Variants in RALGAPA2 observed in about 807,000 individuals in gnomAD.
RALGAPA2 encodes the protein Ral GTPase activating protein catalytic subunit alpha 2, also known as ral GTPase-activating protein subunit alpha-2.
Under a neutral mutation model 230.4 loss-of-function variants are expected in RALGAPA2, and 139 were observed. The ratio of observed to expected loss-of-function variants is 0.60; its 90% CI spans 0.53 to 0.69. The LOEUF is 0.69. Ranked by LOEUF, RALGAPA2 falls within the 30% of genes least tolerant of loss-of-function variation. RALGAPA2 has a pLI of 0.00. For synonymous variants in RALGAPA2, 847 were observed against 837.8 expected, an observed-to-expected ratio of 1.01 and a Z score of -0.19; for missense variants, 2,163 against 2,276.0, an observed-to-expected ratio of 0.95 and a Z score of 1.01.
At chr20:20,640,349 G>A (rs2066991380) in intron 6 of RALGAPA2, among the ~76,000 whole-genome samples, 1 of 152,160 alleles carries the variant, frequency 6.6e-6, no homozygotes, top group Non-Finnish European at 1.5e-5. Flanking sequence ...ACGAACAACA[G>A]TGATAAGAAC....
At chr20:20,468,195 C>A (rs2061461826) in intron 37 of RALGAPA2, among the ~76,000 whole-genome samples, 1 of 152,188 alleles carries the variant, frequency 6.6e-6, no homozygotes, top group Non-Finnish European at 1.5e-5. Context: ...GATTGTCTGC[C>A]AGCCAGGAAT....
At chr20:20,406,243 A>G (rs907645498) in intron 38 of RALGAPA2, among the ~76,000 whole-genome samples, 3 of 152,098 alleles carry the variant, frequency 2.0e-5, no homozygotes, top group African/African-American at 7.2e-5. Context: ...GGAGGGACTC[A>G]AGCATCGGTA....
At chr20:20,521,181 T>C in intron 30 of RALGAPA2, 81 bp from the exon 31 acceptor site, 1 of 1,245,688 alleles carries the variant, frequency 8.0e-7, no homozygotes. Context: ...CTGCAGCACT[T>C]GGCAGCTAGG....
At chr20:20,672,901 C>A (rs1374946154) in intron 3 of RALGAPA2, among the ~76,000 whole-genome samples, 1 of 152,042 alleles carries the variant, frequency 6.6e-6, no homozygotes, top group Non-Finnish European at 1.5e-5. Flanking sequence ...TTAAAAGAAG[C>A]AGCTGGGTGC....
chr20:20,637,995 T>C (rs1005590477), intron 7 of RALGAPA2, among the ~76,000 whole-genome samples: 1 of 152,114 alleles, frequency 6.6e-6, no homozygotes, highest in Non-Finnish European at 1.5e-5. Flanking sequence ...TCTTGGAAAA[T>C]GCATTCTCCG....
intron 37 of RALGAPA2, among the ~76,000 whole-genome samples, chr20:20,444,634 C>A (rs2060818598): frequency 6.6e-6 from 1 of 152,178 alleles, no homozygotes; most frequent in Non-Finnish European, 1.5e-5. Flanking sequence ...GCAGATTAGC[C>A]TAGCAAATAC....
chr20:20,508,788 A>T (rs184315841), intron 33 of RALGAPA2, among the ~76,000 whole-genome samples: 26 of 151,790 alleles, frequency 1.7e-4, no homozygotes, highest in Admixed American at 7.8e-4. Context: ...TTTCTTCAAA[A>T]AGATCTTGAA....
At chr20:20,534,091 T>C (rs1333785753) in intron 26 of RALGAPA2, among the ~76,000 whole-genome samples, 1 of 152,072 alleles carries the variant, frequency 6.6e-6, no homozygotes, top group Non-Finnish European at 1.5e-5. Context: ...AATCAGAGGA[T>C]ACACAAAACG....
intron 38 of RALGAPA2, among the ~76,000 whole-genome samples, chr20:20,405,760 T>C (rs1352889430): frequency 6.6e-6 from 1 of 152,314 alleles, no homozygotes; most frequent in African/African-American, 2.4e-5. Context: ...CGGCTTCTTA[T>C]CAGATTTCTT....
chr20:20,468,621 TTC>T (rs1239123695), intron 37 of RALGAPA2, among the ~76,000 whole-genome samples: 5 of 152,188 alleles, frequency 3.3e-5, no homozygotes, highest in Admixed American at 1.3e-4. Flanking sequence ...AACCCTTCAT[TTC>T]TCTCTTTCCT....
chr20:20,673,150 A>T (rs531850999), intron 3 of RALGAPA2, among the ~76,000 whole-genome samples: 29 of 152,038 alleles, frequency 1.9e-4, no homozygotes, highest in Admixed American at 1.8e-3. Context: ...GCACCACTGA[A>T]CTCCAGCCTG....
chr20:20,602,468 A>C (rs1200852761), intron 15 of RALGAPA2, among the ~76,000 whole-genome samples: 1 of 152,252 alleles, frequency 6.6e-6, no homozygotes, highest in African/African-American at 2.4e-5. Flanking sequence ...CTATGGACCA[A>C]AAGAAATAGA....
At chr20:20,593,515 T>C (rs748744422) in intron 16 of RALGAPA2, among the ~76,000 whole-genome samples, 2 of 152,268 alleles carry the variant, frequency 1.3e-5, no homozygotes, top group Non-Finnish European at 2.9e-5. Context: ...CTGTCTTCTC[T>C]AATTGTTTAT....
chr20:20,399,743 G>A (rs1173959288), intron 38 of RALGAPA2, among the ~76,000 whole-genome samples: 1 of 152,230 alleles, frequency 6.6e-6, no homozygotes, highest in African/African-American at 2.4e-5. Flanking sequence ...GAATTGGTGG[G>A]CCTTTCTATG....
chr20:20,573,149 A>G (rs2064705073), intron 20 of RALGAPA2, 81 bp from the exon 21 acceptor site: 1 of 1,224,514 alleles, frequency 8.2e-7, no homozygotes, highest in Admixed American at 3.2e-5. Flanking sequence ...AAATTACCTT[A>G]GGTATTCAAA....
At chr20:20,618,478 G>GAAAA (rs11310533) in intron 12 of RALGAPA2, among the ~76,000 whole-genome samples, 1 of 146,906 alleles carries the variant, frequency 6.8e-6, no homozygotes, top group African/African-American at 2.5e-5. Context: ...TAATTCACTT[G>GAAAA]AAAAAAAAAA....
intron 39 of RALGAPA2, 84 bp from the exon 40 acceptor site, chr20:20,393,337 C>T: frequency 4.6e-6 from 5 of 1,080,738 alleles, no homozygotes; most frequent in Non-Finnish European, 6.0e-6. Flanking sequence ...CTGTGGCACT[C>T]AGAAGGGAGG....
At chr20:20,682,103 T>C (rs562173730) in intron 1 of RALGAPA2, among the ~76,000 whole-genome samples, 1 of 152,346 alleles carries the variant, frequency 6.6e-6, no homozygotes, top group African/African-American at 2.4e-5. Flanking sequence ...GATAATTGTA[T>C]AAGAGCTTTT....
intron 4 of RALGAPA2, 27 bp downstream of exon 4, chr20:20,653,503 T>C (rs2146610876): frequency 7.7e-7 from 1 of 1,304,472 alleles, no homozygotes; most frequent in Non-Finnish European, 1.1e-6. Flanking sequence ...AAATTCATAT[T>C]ACTAAAAAAT....
Sources: allele counts gnomAD v4.1 joint callset (sites outside exome capture counted in the v4.1 genomes callset), GRCh38; gene constraint gnomAD v4.1.1; transcripts MANE v1.5; gene names NCBI Gene and HGNC (gene_info 2026-07-23, HGNC 2026-07-21).